Variants in DDX4 observed in about 807,000 individuals in gnomAD.
The protein encoded by DDX4 is probable ATP-dependent RNA helicase DDX4.
A neutral mutation model predicts 100.0 loss-of-function variants in DDX4; 25 were observed. That is an observed-to-expected ratio of 0.25 (90% CI 0.18 to 0.35). The LOEUF is 0.35. DDX4 is among the 10% of genes least tolerant of loss of function. The probability of loss-of-function intolerance (pLI) is 1.00; values close to 1 mark genes in which losing one functional copy is unlikely to be tolerated. For missense variants in DDX4, 635 were observed against 882.4 expected (o/e 0.72, Z 3.55); for synonymous variants, 259 against 275.7 (o/e 0.94, Z 0.60).
chr5:55,815,774 C>CTTTTTTTTTTTTT, intron 21 of DDX4, among the ~76,000 whole-genome samples: 1 of 135,988 alleles, frequency 7.4e-6, no homozygotes, highest in Non-Finnish European at 1.6e-5. Flanking sequence ...TTTTTCTTTT[C>CTTTTTTTTTTTTT]TTTTTTTTTT....
At chr5:55,792,350 T>A (rs866937971) in intron 16 of DDX4, among the ~76,000 whole-genome samples, 84 of 151,626 alleles carry the variant, frequency 5.5e-4, no homozygotes, top group Middle Eastern at 3.4e-3. Context: ...TATTTTATTT[T>A]TTTTTATTTT....
At position 55,815,410 on chromosome 5, in the gene DDX4, T is replaced by C; in HGVS notation, c.2084T>C (p.Val695Ala). The C allele has an allele frequency of 6.2e-7, 1 of 1,611,562 alleles. No homozygotes were observed. The highest frequency in any genetic ancestry group is 8.5e-7 in the Non-Finnish European group (1 of 1,179,484). Reference protein sequence around the residue: ...GSTRGNVFASVDTRKGKSTLN... With the variant: ...GSTRGNVFASADTRKGKSTLN... ...ACAAGAGGAAACGTGTTTGCATCAG[T>C]TGATACCAGAAAGGTTAGTAGAAAG... is the stretch of plus-strand genomic sequence containing the variant. Residue 695 changes from valine to alanine, a missense_variant, in exon 21 of 22, where the codon GTT becomes GCT. Val to Ala is a moderately conservative substitution (Grantham distance 64, BLOSUM62 0). Transcript: ENST00000505374.
chr5:55,749,933 T>C (rs146834190), intron 3 of DDX4, among the ~76,000 whole-genome samples: 275 of 148,968 alleles, frequency 1.8e-3, no homozygotes, highest in African/African-American at 4.8e-3. Context: ...AGGAGGGAAA[T>C]ACCAAAATGT....
intron 5 of DDX4, 107 bp downstream of exon 5, chr5:55,763,359 G>T (rs972508122): frequency 3.9e-6 from 3 of 769,052 alleles, no homozygotes; most frequent in Non-Finnish European, 4.6e-6. Context: ...TAATTTCAAG[G>T]TATATATTCT....
At position 55,746,145 on chromosome 5, in the gene DDX4, T is replaced by A; in HGVS notation, c.70-19T>A. The A allele has an allele frequency of 6.3e-7, 1 of 1,586,180 alleles. No individual in the cohort carries two copies. ...TATTCAAAGTAGGAAACTAGTTTTT[T>A]CTTTCTTCTTTCTCACAGGATAGGT... is the stretch of plus-strand genomic sequence containing the variant. On this transcript the variant is annotated intron_variant, in intron 2 of 21. Coordinates refer to ENST00000505374, the MANE Select transcript of DDX4 (RefSeq NM_024415.3).
intron 18 of DDX4, among the ~76,000 whole-genome samples, chr5:55,802,957 T>G (rs1442996287): frequency 6.6e-6 from 1 of 152,026 alleles, no homozygotes; most frequent in Non-Finnish European, 1.5e-5. Flanking sequence ...CAGTAAACCC[T>G]TTTTTTATTA....
intron 17 of DDX4, among the ~76,000 whole-genome samples, chr5:55,795,166 T>C (rs1742851853): frequency 6.6e-6 from 1 of 152,106 alleles, no homozygotes; most frequent in South Asian, 2.1e-4. Flanking sequence ...GGTTTCTCCA[T>C]GCTGGTCAGG....
intron 10 of DDX4, among the ~76,000 whole-genome samples, chr5:55,782,527 G>A (rs1422307183): frequency 6.6e-6 from 1 of 151,516 alleles, no homozygotes; most frequent in African/African-American, 2.4e-5. Context: ...GAATCCGGGA[G>A]GCGGAGGTTG....
chr5:55,754,223 G>T (rs994613286), intron 3 of DDX4, among the ~76,000 whole-genome samples: 1 of 150,950 alleles, frequency 6.6e-6, no homozygotes. Context: ...AATAGGAGTG[G>T]TGAGAGAAGG....
At chr5:55,766,671 A>G (rs1320302083) in intron 6 of DDX4, among the ~76,000 whole-genome samples, 2 of 152,138 alleles carry the variant, frequency 1.3e-5, no homozygotes, top group African/African-American at 4.8e-5. Context: ...GAACATTATT[A>G]GTTGTTAAAT....
In DDX4 at chr5:55,817,018, G is replaced by C. The variant is rs1372085775; in HGVS notation, c.*478G>C. On this transcript the variant is annotated 3_prime_UTR_variant, in exon 22 of 22. Transcript: ENST00000505374. ...CCTTTCAAAGTGATTTTGATTTTTAGATCATCAGATGTATGATGAAAATGG... is the reference window on the plus strand; with the variant it reads ...CCTTTCAAAGTGATTTTGATTTTTACATCATCAGATGTATGATGAAAATGG... 1 of 152,688 alleles carries C rather than the reference G, an allele frequency of 6.5e-6. No individual in the cohort carries two copies. Among genetic ancestry groups the C allele is most frequent in the Non-Finnish European group, 1.5e-5 (1 of 68,418 alleles). 9.5% of individuals were successfully genotyped at this position (152,688 alleles called of 1,614,324 possible).
chr5:55,739,163 A>G, intron 2 of DDX4, 131 bp downstream of exon 2: 1 of 639,824 alleles, frequency 1.6e-6, no homozygotes, highest in Non-Finnish European at 2.7e-6. Flanking sequence ...TAACTATTAT[A>G]TGGGGAATAA....
intron 18 of DDX4, among the ~76,000 whole-genome samples, chr5:55,809,648 G>A (rs766845730): frequency 2.6e-5 from 4 of 152,170 alleles, no homozygotes; most frequent in Admixed American, 2.0e-4. Context: ...TAAAGTGTCA[G>A]TTTGTTCCAG....
At chr5:55,779,766 A>T (rs968333686) in intron 7 of DDX4, among the ~76,000 whole-genome samples, 198 bp from the exon 8 acceptor site, 3 of 152,236 alleles carry the variant, frequency 2.0e-5, no homozygotes, top group Non-Finnish European at 4.4e-5. Context: ...AGGTTTTAAA[A>T]AATTGTAGCC....
intron 18 of DDX4, among the ~76,000 whole-genome samples, chr5:55,809,051 A>G (rs534878385): frequency 3.9e-5 from 6 of 152,310 alleles, no homozygotes; most frequent in South Asian, 2.1e-4. Flanking sequence ...GCTGCCTTGC[A>G]GTTTGATCTC....
chr5:55,787,804 T>TG (rs1742334572), intron 14 of DDX4, 42 bp from the exon 15 acceptor site: 1 of 1,595,240 alleles, frequency 6.3e-7, no homozygotes, highest in African/African-American at 1.3e-5. Context: ...GGGATAAAAG[T>TG]GTTGTGCTAT....
At chr5:55,775,100 C>T (rs1472607932) in intron 7 of DDX4, among the ~76,000 whole-genome samples, 2 of 152,162 alleles carry the variant, frequency 1.3e-5, no homozygotes, top group Non-Finnish European at 2.9e-5. Context: ...GTATTTCATA[C>T]AAGTGGAATC....
intron 5 of DDX4, among the ~76,000 whole-genome samples, chr5:55,763,624 T>C (rs1459038846): frequency 6.6e-6 from 1 of 152,122 alleles, no homozygotes; most frequent in Non-Finnish European, 1.5e-5. Flanking sequence ...CATTGAGTTA[T>C]TGGGTTATAA....
chr5:55,747,959 A>G (rs1436903057), intron 3 of DDX4, among the ~76,000 whole-genome samples: 1 of 152,220 alleles, frequency 6.6e-6, no homozygotes, highest in East Asian at 1.9e-4. Flanking sequence ...GCTCACTGAA[A>G]CCTGGCCTAT....
Sources: allele counts gnomAD v4.1 joint callset (sites outside exome capture counted in the v4.1 genomes callset), GRCh38; gene constraint gnomAD v4.1.1; transcripts MANE v1.5; gene names NCBI Gene and HGNC (gene_info 2026-07-23, HGNC 2026-07-21).